PDZD2: variants seen among roughly 807,000 people sequenced by gnomAD.
PDZD2 encodes the protein PDZ domain-containing protein 2.
A neutral mutation model predicts 220.7 loss-of-function variants in PDZD2; 90 were observed. That is an observed-to-expected ratio of 0.41 (90% CI 0.34 to 0.49). The LOEUF (loss-of-function observed/expected upper bound fraction) is 0.49. PDZD2 is among the 20% of genes least tolerant of loss of function. The probability of loss-of-function intolerance (pLI) is 0.28; values close to 1 mark genes in which losing one functional copy is unlikely to be tolerated. For synonymous variants in PDZD2, 1,375 were observed against 1,450.5 expected (o/e 0.95, Z 1.18); for missense variants, 3,174 against 3,608.5 (o/e 0.88, Z 3.08).
intron 13 of PDZD2, among the ~76,000 whole-genome samples, chr5:32,060,080 G>A (rs1312793220): frequency 6.6e-6 from 1 of 152,138 alleles, no homozygotes; most frequent in Non-Finnish European, 1.5e-5. Flanking sequence ...TAGTGGTTAA[G>A]GGATTGTCAA....
rs369388577 is a variant in PDZD2, at chr5:31,919,954, A to G, written c.477-63201A>G. 1.3e-4 allele frequency among the ~76,000 whole-genome samples: 20 copies of G among 151,784 alleles called. 1 individual carries two copies. The highest frequency in any genetic ancestry group is 4.6e-4 in the African/African-American group (19 of 41,372). ...AGGACTGCTTGAGCCAAGGTCTTTG[A>G]GGCTGCAGTGAGCTATGACTGTGCC... On this transcript the variant is annotated intron_variant, in intron 2 of 24. Transcript: ENST00000438447.
chr5:32,034,805 A>G (rs911315186), intron 6 of PDZD2, among the ~76,000 whole-genome samples: 2 of 152,160 alleles, frequency 1.3e-5, no homozygotes, highest in Non-Finnish European at 2.9e-5. Context: ...TTCCATTTGT[A>G]TGTGGCCCAG....
chr5:32,068,912 T>C (rs1179192080), intron 14 of PDZD2, among the ~76,000 whole-genome samples: 4 of 152,118 alleles, frequency 2.6e-5, no homozygotes, highest in African/African-American at 4.8e-5. Flanking sequence ...TTAGTGATTC[T>C]AGGTGAAAAG....
At chr5:31,987,774 A>G (rs1199336673) in intron 3 of PDZD2, among the ~76,000 whole-genome samples, 1 of 152,186 alleles carries the variant, frequency 6.6e-6, no homozygotes, top group Admixed American at 6.5e-5. Context: ...ATTGGGGGTG[A>G]CCAACCATCC....
At chr5:31,770,142 G>C (rs1425673429) in intron 1 of PDZD2, among the ~76,000 whole-genome samples, 1 of 152,192 alleles carries the variant, frequency 6.6e-6, no homozygotes, top group Non-Finnish European at 1.5e-5. Flanking sequence ...TTTGGAGCTT[G>C]TTCTGTTTGT....
intron 2 of PDZD2, chr5:31,908,485 G>T: frequency 9.8e-7 from 1 of 1,017,928 alleles, no homozygotes; most frequent in South Asian, 1.5e-5. Context: ...TAACACTGAT[G>T]ACTCGCTCAT....
At chr5:31,770,577 G>A (rs1329966691) in intron 1 of PDZD2, among the ~76,000 whole-genome samples, 1 of 152,146 alleles carries the variant, frequency 6.6e-6, no homozygotes, top group East Asian at 1.9e-4. Flanking sequence ...ATACTCCGGG[G>A]ACCCAGAGTA....
At chr5:31,692,659 G>C (rs1412913036) in intron 1 of PDZD2, among the ~76,000 whole-genome samples, 1 of 152,260 alleles carries the variant, frequency 6.6e-6, no homozygotes, top group Non-Finnish European at 1.5e-5. Flanking sequence ...CCAGGACACA[G>C]AGGCATTGTG....
chr5:31,779,518 C>T (rs1263875579), intron 1 of PDZD2, among the ~76,000 whole-genome samples: 4 of 151,718 alleles, frequency 2.6e-5, no homozygotes, highest in East Asian at 3.9e-4. Context: ...GGACTACAGG[C>T]GCCCGCCACC....
intron 2 of PDZD2, among the ~76,000 whole-genome samples, chr5:31,849,453 A>AGT (rs1757788730): frequency 6.6e-6 from 1 of 152,188 alleles, no homozygotes; most frequent in Non-Finnish European, 1.5e-5. Context: ...GAGCTTAATA[A>AGT]GTCATAGCTA....
chr5:31,915,502 A>G (rs929684131), intron 2 of PDZD2, among the ~76,000 whole-genome samples: 3 of 152,124 alleles, frequency 2.0e-5, no homozygotes, highest in Admixed American at 1.3e-4. Flanking sequence ...GAAGCAGGCA[A>G]ACTCTCCAGG....
At chr5:32,084,056 G>T (rs901034119) in intron 19 of PDZD2, among the ~76,000 whole-genome samples, 3 of 152,092 alleles carry the variant, frequency 2.0e-5, no homozygotes, top group African/African-American at 7.2e-5. Context: ...CCGCACTACC[G>T]CCCATATTTG....
intron 6 of PDZD2, among the ~76,000 whole-genome samples, chr5:32,034,841 C>T (rs1277397678): frequency 6.6e-6 from 1 of 152,094 alleles, no homozygotes; most frequent in Non-Finnish European, 1.5e-5. Context: ...AGAGATGGCT[C>T]TTTCTTCTCT....
intron 2 of PDZD2, among the ~76,000 whole-genome samples, chr5:31,898,189 T>G (rs1470595486): frequency 6.6e-6 from 1 of 152,250 alleles, no homozygotes; most frequent in African/African-American, 2.4e-5. Context: ...GATCCAGAGC[T>G]GGCTTGCTTC....
intron 1 of PDZD2, among the ~76,000 whole-genome samples, chr5:31,668,141 G>A (rs529996378): frequency 2.0e-5 from 3 of 152,316 alleles, no homozygotes; most frequent in South Asian, 2.1e-4. Context: ...GATTACAGGC[G>A]TGGGCCGCTG....
intron 1 of PDZD2, among the ~76,000 whole-genome samples, chr5:31,670,057 T>C (rs1746155930): frequency 6.6e-6 from 1 of 152,218 alleles, no homozygotes; most frequent in Non-Finnish European, 1.5e-5. Context: ...GTGAGGAATC[T>C]GAGCCTTGCT....
At chr5:31,750,897 G>A (rs1177258268) in intron 1 of PDZD2, among the ~76,000 whole-genome samples, 1 of 152,138 alleles carries the variant, frequency 6.6e-6, no homozygotes, top group Non-Finnish European at 1.5e-5. Context: ...CCACGGTGAA[G>A]ACTTCAGATT....
Position 32,061,284 on chromosome 5 carries a change from T to C in PDZD2, c.2451+150T>C, listed in dbSNP as rs1431851440. 14 of 653,160 alleles carry C rather than the reference T, an allele frequency of 2.1e-5. No individual in the cohort carries two copies. In the South Asian group the frequency reaches 2.2e-4, roughly 10 times the overall value. The allele number at this position is 653,160 out of a possible 1,614,324, so 40.5% of individuals were successfully genotyped here. ...GGAAATGAATCTCTAATCTGGACTT[T>C]GTCTTCACAGTCTTAGAAAATCTTA... On this transcript the variant is annotated intron_variant, in intron 14 of 24. Coordinates refer to ENST00000438447, the MANE Select transcript of PDZD2 (RefSeq NM_178140.4).
intron 22 of PDZD2, among the ~76,000 whole-genome samples, 164 bp downstream of exon 22, chr5:32,097,544 C>T (rs1391917142): frequency 3.3e-5 from 5 of 152,172 alleles, no homozygotes; most frequent in South Asian, 2.1e-4. Flanking sequence ...GTAAGGTTTT[C>T]GTTGACAAAA....
Sources: gnomAD v4.1 joint callset for allele counts (sites outside exome capture counted in the v4.1 genomes callset) on GRCh38, gnomAD v4.1.1 for gene constraint, MANE v1.5 for transcripts, NCBI Gene and HGNC (gene_info 2026-07-23, HGNC 2026-07-21) for gene names.